Variants in TMEM178B observed in about 807,000 individuals in gnomAD.
TMEM178B encodes transmembrane protein 178B.
In TMEM178B, 5 loss-of-function variants were observed where a neutral mutation model predicts 31.0. That is an observed-to-expected ratio of 0.16 (90% CI 0.08 to 0.34). TMEM178B has a LOEUF of 0.34. Ranked by LOEUF, TMEM178B falls within the 10% of genes least tolerant of loss-of-function variation. The probability of loss-of-function intolerance (pLI) is 1.00; values close to 1 mark genes in which losing one functional copy is unlikely to be tolerated. For missense variants in TMEM178B, 275 were observed against 400.3 expected, an observed-to-expected ratio of 0.69 and a Z score of 2.67; for synonymous variants, 164 against 164.0, an observed-to-expected ratio of 1.00 and a Z score of 0.00.
intron 2 of TMEM178B, among the ~76,000 whole-genome samples, chr7:141,424,282 C>G (rs988527676): frequency 6.6e-6 from 1 of 152,146 alleles, no homozygotes; most frequent in Non-Finnish European, 1.5e-5. Context: ...CACTTTAGAG[C>G]CCCATTCCTC....
intron 3 of TMEM178B, among the ~76,000 whole-genome samples, chr7:141,469,453 A>G (rs1235094052): frequency 2.6e-5 from 4 of 152,198 alleles, no homozygotes; most frequent in Non-Finnish European, 5.9e-5. Context: ...AACAAGTCTC[A>G]ATCTTAAAGA....
intron 1 of TMEM178B, among the ~76,000 whole-genome samples, chr7:141,097,089 C>CAA (rs113276063): frequency 3.1e-4 from 40 of 129,650 alleles, no homozygotes; most frequent in South Asian, 7.7e-4. Context: ...GAAGTTGTCT[C>CAA]AAAAAAAAAA....
At chr7:141,273,707 G>A (rs1054678027) in intron 2 of TMEM178B, among the ~76,000 whole-genome samples, 8 of 152,140 alleles carry the variant, frequency 5.3e-5, no homozygotes, top group African/African-American at 1.9e-4. Context: ...CCAGCTATAA[G>A]CAGGTCTGCC....
chr7:141,343,525 C>CTTTTT (rs11442055), intron 2 of TMEM178B, among the ~76,000 whole-genome samples: 209 of 86,972 alleles, frequency 2.4e-3, no homozygotes, highest in East Asian at 2.7e-3. Flanking sequence ...ATGGGAGCAC[C>CTTTTT]TTTTTTTTTT....
intron 1 of TMEM178B, among the ~76,000 whole-genome samples, chr7:141,078,673 G>A (rs1472946236): frequency 6.6e-6 from 1 of 152,154 alleles, no homozygotes; most frequent in Non-Finnish European, 1.5e-5. Flanking sequence ...CGGCAGTAGC[G>A]GGAGGTAGGC....
chr7:141,079,731 A>G (rs1255571584), intron 1 of TMEM178B, among the ~76,000 whole-genome samples: 1 of 152,174 alleles, frequency 6.6e-6, no homozygotes, highest in Non-Finnish European at 1.5e-5. Context: ...GAGATTAATG[A>G]TAATTATAGC....
At chr7:141,346,956 G>A (rs866404081) in intron 2 of TMEM178B, among the ~76,000 whole-genome samples, 2 of 152,082 alleles carry the variant, frequency 1.3e-5, no homozygotes, top group African/African-American at 2.4e-5. Context: ...TAGCACCATC[G>A]CCCTAGTGCT....
chr7:141,157,710 G>A (rs181638687), intron 1 of TMEM178B, among the ~76,000 whole-genome samples: 4 of 152,278 alleles, frequency 2.6e-5, no homozygotes, highest in African/African-American at 4.8e-5. Flanking sequence ...CTCACTCCTC[G>A]CAGGTGACTG....
chr7:141,243,816 G>A (rs942654546), intron 2 of TMEM178B, among the ~76,000 whole-genome samples: 2 of 152,150 alleles, frequency 1.3e-5, no homozygotes, highest in Non-Finnish European at 2.9e-5. Context: ...AGTGGCGAGT[G>A]TATTTTCATG....
chr7:141,107,872 T>A (rs1795171334), intron 1 of TMEM178B, among the ~76,000 whole-genome samples: 1 of 152,106 alleles, frequency 6.6e-6, no homozygotes, highest in Non-Finnish European at 1.5e-5. Flanking sequence ...TGGGACACTA[T>A]AACAAAAAGA....
chr7:141,449,469 T>C (rs1279775941), intron 3 of TMEM178B, among the ~76,000 whole-genome samples: 2 of 152,124 alleles, frequency 1.3e-5, no homozygotes, highest in African/African-American at 4.8e-5. Context: ...TCTTGAGGCT[T>C]TTTGTCACAT....
intron 2 of TMEM178B, among the ~76,000 whole-genome samples, chr7:141,402,300 C>T (rs181616527): frequency 3.2e-4 from 49 of 152,336 alleles, no homozygotes; most frequent in South Asian, 2.5e-3. Context: ...TAGCTCACTC[C>T]GTTTTCCCCT....
intron 2 of TMEM178B, among the ~76,000 whole-genome samples, chr7:141,214,529 A>G (rs1279972077): frequency 6.6e-6 from 1 of 152,208 alleles, no homozygotes; most frequent in Non-Finnish European, 1.5e-5. Flanking sequence ...TTTTAGCAAG[A>G]AGGAAAATTA....
chr7:141,133,557 A>T (rs2129178051), intron 1 of TMEM178B, among the ~76,000 whole-genome samples: 1 of 152,284 alleles, frequency 6.6e-6, no homozygotes, highest in East Asian at 1.9e-4. Context: ...AATAAAAATA[A>T]AAAAGAATAA....
intron 2 of TMEM178B, among the ~76,000 whole-genome samples, chr7:141,427,317 G>A (rs902806661): frequency 1.3e-5 from 2 of 152,038 alleles, no homozygotes; most frequent in African/African-American, 2.4e-5. Flanking sequence ...AAAATATACT[G>A]CAAAACTATA....
intron 2 of TMEM178B, among the ~76,000 whole-genome samples, chr7:141,342,656 A>G (rs188278640): frequency 6.6e-6 from 1 of 152,232 alleles, no homozygotes; most frequent in Non-Finnish European, 1.5e-5. Context: ...CCTCCCTTGA[A>G]CAGAGAGAAG....
the TMEM178B span, among the ~76,000 whole-genome samples, chr7:141,493,205 C>A: frequency 1.3e-5 from 2 of 152,190 alleles, no homozygotes; most frequent in African/African-American, 4.8e-5. Flanking sequence ...AGTCTCTCCC[C>A]TCCTCACGAC....
At chr7:141,413,532 A>C (rs1240057538) in intron 2 of TMEM178B, among the ~76,000 whole-genome samples, 1 of 152,176 alleles carries the variant, frequency 6.6e-6, no homozygotes, top group Non-Finnish European at 1.5e-5. Flanking sequence ...CTTTTGCAAG[A>C]CCTTGGATCC....
At chr7:141,507,381 T>C in the TMEM178B span, among the ~76,000 whole-genome samples, 1 of 147,798 alleles carries the variant, frequency 6.8e-6, no homozygotes, top group Non-Finnish European at 1.5e-5. Context: ...ACCTCAACTC[T>C]TTTTTTTTTA....
Sources: allele counts gnomAD v4.1 joint callset (sites outside exome capture counted in the v4.1 genomes callset), GRCh38; gene constraint gnomAD v4.1.1; transcripts MANE v1.5; gene names NCBI Gene and HGNC (gene_info 2026-07-23, HGNC 2026-07-21).